The following FGFR2 variants were observed in gnomAD, a reference collection of about 807,000 sequenced individuals.
FGFR2 encodes the protein BEK fibroblast growth factor receptor.
A neutral mutation model predicts 95.9 loss-of-function variants in FGFR2; 19 were observed. The observed-to-expected ratio is 0.20, with a 90% confidence interval of 0.14 to 0.29. The LOEUF is 0.29. Ranked by LOEUF, FGFR2 falls within the 10% of genes least tolerant of loss-of-function variation. The probability of loss-of-function intolerance (pLI) is 1.00; values close to 1 mark genes in which losing one functional copy is unlikely to be tolerated. For synonymous variants in FGFR2, 392 were observed against 393.3 expected (o/e 1.00, Z 0.04); for missense variants, 707 against 1,056.9 (o/e 0.67, Z 4.59).
At chr10:121,505,849 G>A (rs952212656) in intron 9 of FGFR2, among the ~76,000 whole-genome samples, 1 of 152,168 alleles carries the variant, frequency 6.6e-6, no homozygotes, top group Non-Finnish European at 1.5e-5. Flanking sequence ...TTCAGGAGCG[G>A]GTTTAACGGC....
intron 9 of FGFR2, among the ~76,000 whole-genome samples, chr10:121,506,125 A>G (rs550656343): frequency 6.6e-6 from 1 of 152,112 alleles, no homozygotes; most frequent in Non-Finnish European, 1.5e-5. Flanking sequence ...GGGAGGAGGA[A>G]GTGGGCAGAT....
chr10:121,486,672 C>T (rs1302014437), intron 15 of FGFR2, among the ~76,000 whole-genome samples: 2 of 152,212 alleles, frequency 1.3e-5, no homozygotes, highest in African/African-American at 4.8e-5. Context: ...GATCTCCTGA[C>T]CTCGTGATCC....
chr10:121,594,899 G>C (rs1046994544), intron 1 of FGFR2, among the ~76,000 whole-genome samples: 1 of 152,214 alleles, frequency 6.6e-6, no homozygotes, highest in Non-Finnish European at 1.5e-5. Context: ...AATTTTCAGA[G>C]TATAAGTTAG....
At chr10:121,576,353 G>C (rs1305082600) in intron 2 of FGFR2, among the ~76,000 whole-genome samples, 7 of 152,168 alleles carry the variant, frequency 4.6e-5, no homozygotes, top group Non-Finnish European at 1.5e-5. Flanking sequence ...CTGTGTGCCT[G>C]GCTGCCTGGC....
rs1471652000 is a variant in FGFR2 at position 121,518,996 on chromosome 10, C to A, written c.939+983G>T. On this transcript the variant is annotated intron_variant, in intron 7 of 17. Coordinates refer to ENST00000358487, the MANE Select transcript of FGFR2 (RefSeq NM_000141.5). The surrounding 1 kb of genome is among the most constrained non-coding windows in gnomAD (Gnocchi z 4.0). Reference sequence around the variant, plus strand: ...ACAAAATCAGTCCAGTGGTGGACAACGGAAAGACCTGGTGGAGAGAAGGGC... The same window carrying A: ...ACAAAATCAGTCCAGTGGTGGACAAAGGAAAGACCTGGTGGAGAGAAGGGC... 6.6e-6 allele frequency among the ~76,000 whole-genome samples: 1 copy of A among 152,120 alleles called. No individual in the cohort carries two copies. Among genetic ancestry groups the A allele is most frequent in the East Asian group, 1.9e-4 (1 of 5,190 alleles).
At chr10:121,579,115 C>T (rs916488880) in intron 2 of FGFR2, among the ~76,000 whole-genome samples, 2 of 152,190 alleles carry the variant, frequency 1.3e-5, no homozygotes, top group African/African-American at 4.8e-5. Flanking sequence ...CACCGCTGAG[C>T]CTCAGAGTCA....
Position 121,588,823 on chromosome 10 carries a change from C to T in FGFR2, c.109+4886G>A, listed in dbSNP as rs550676885. On this transcript the variant is annotated intron_variant, in intron 2 of 17. Transcript: ENST00000358487. The stretch of plus-strand genomic sequence containing the variant: ...GGAGGACCCCTTCAGCCCAGGAGTC[C>T]GAGGGTACAGTGAGCCACGTTTGAC... 9.9e-5 allele frequency among the ~76,000 whole-genome samples: 15 copies of T among 152,016 alleles called. 1 individual carries two copies. In the South Asian group the frequency reaches 3.1e-3, roughly 32 times the overall value.
intron 6 of FGFR2, chr10:121,526,116 G>A (rs1564929979): frequency 2.3e-5 from 9 of 398,440 alleles, no homozygotes; most frequent in Non-Finnish European, 4.0e-5. Context: ...GGATAACCTC[G>A]CTTGCTCTGT....
chr10:121,496,185 G>GA (rs376135530), intron 13 of FGFR2, among the ~76,000 whole-genome samples: 95 of 129,102 alleles, frequency 7.4e-4, no homozygotes, highest in Middle Eastern at 3.9e-3. Context: ...TGAAGCTTAA[G>GA]AAAAAAAAAA....
chr10:121,543,789 G>C (rs1194851884), intron 5 of FGFR2, among the ~76,000 whole-genome samples: 1 of 152,128 alleles, frequency 6.6e-6, no homozygotes, highest in African/African-American at 2.4e-5. Flanking sequence ...CGGGACCAGT[G>C]GCAGAAACTC....
chr10:121,517,413 C>A lies in FGFR2; in HGVS notation c.990G>T (p.Arg330=), dbSNP rs1388126614. 1.9e-6 allele frequency: 3 copies of A among 1,614,228 alleles called. No individual in the cohort carries two copies. Among genetic ancestry groups the A allele is most frequent in the South Asian group, 2.2e-5 (2 of 91,084 alleles). Residue 330 remains arginine (R), a synonymous_variant, in exon 8 of 18, where the codon CGG becomes CGT. Transcript: ENST00000358487. This position sits in a 1 kb window ranked among gnomAD's most constrained non-coding sequence, Gnocchi z 4.7. ...TDKEIEVLYI[R]NVTFEDAGEY... is the part of the protein sequence containing the mutation. ...CCCCAGCGTCCTCAAAAGTTACATT[C>A]CGAATATAGAGAACCTCAATCTCTT...
chr10:121,551,058 C>T (rs1589954293), intron 5 of FGFR2, among the ~76,000 whole-genome samples: 1 of 151,936 alleles, frequency 6.6e-6, no homozygotes, highest in East Asian at 1.9e-4. Context: ...GTCTCTGCTA[C>T]AGATACAAAA....
intron 8 of FGFR2, among the ~76,000 whole-genome samples, chr10:121,516,030 T>C (rs1849666533): frequency 6.6e-6 from 1 of 152,084 alleles, no homozygotes; most frequent in Admixed American, 6.6e-5. Flanking sequence ...CACTACAGCT[T>C]TTCTCTTAAA....
intron 2 of FGFR2, among the ~76,000 whole-genome samples, chr10:121,586,096 T>C (rs955082734): frequency 2.0e-5 from 3 of 152,230 alleles, no homozygotes; most frequent in East Asian, 1.9e-4. Context: ...TGGATACTTT[T>C]AAAATATTAC....
At position 121,500,939 on chromosome 10, in the gene FGFR2, A is replaced by G. The variant is rs767430380; in HGVS notation, c.1448T>C (p.Leu483Pro). ...GCAACCTTCTCCCAGGGGCTTGCCCAGTGTCAGCCTAAATGTGTAAATAGG... is the reference window on the plus strand; with the variant it reads ...GCAACCTTCTCCCAGGGGCTTGCCCGGTGTCAGCCTAAATGTGTAAATAGG... ...KWEFPRDKLTLGKPLGEGCFG... is the reference protein window; with the variant it reads ...KWEFPRDKLTPGKPLGEGCFG... Residue 483 changes from leucine to proline, a missense_variant, in exon 11 of 18, where the codon CTG becomes CCG. Around this residue, in one of 7 missense-constraint regions of FGFR2, gnomAD observed 194 missense variants for 267.3 expected, o/e 0.73. Coordinates refer to ENST00000358487, the MANE Select transcript of FGFR2 (RefSeq NM_000141.5). 5 of 1,614,118 alleles carry G rather than the reference A, an allele frequency of 3.1e-6. No homozygotes were observed. The highest frequency in any genetic ancestry group is 4.2e-6 in the Non-Finnish European group (5 of 1,180,032).
intron 17 of FGFR2, chr10:121,480,276 G>A (rs2133693696): frequency 1.8e-6 from 1 of 543,906 alleles, no homozygotes. Context: ...ACCCCAGGCT[G>A]TCCTTAGCTT....
chr10:121,597,263 G>A lies in FGFR2; in HGVS notation c.-151+699C>T, dbSNP rs914509867. Among the ~76,000 whole-genome samples, 22 of 152,300 alleles carry A rather than the reference G, an allele frequency of 1.4e-4. 1 individual carries two copies. The highest frequency in any genetic ancestry group is 1.4e-3 in the Admixed American group (22 of 15,306). ...GGCCCCGTGGCCGAAAAAAATGAGC[G>A]CGCAAGTTAGAACTCGCCTGCGCTT... On this transcript the variant is annotated intron_variant, in intron 1 of 17. Transcript: ENST00000358487.
chr10:121,491,977 A>G (rs1301510903), intron 13 of FGFR2, among the ~76,000 whole-genome samples: 1 of 151,944 alleles, frequency 6.6e-6, no homozygotes, highest in African/African-American at 2.4e-5. Context: ...TCAGGAGTTC[A>G]AGACCAGCCT....
chr10:121,588,556 C>T (rs1300362596), intron 2 of FGFR2, among the ~76,000 whole-genome samples: 2 of 152,062 alleles, frequency 1.3e-5, no homozygotes, highest in African/African-American at 4.8e-5. Context: ...GTAGAGCCAT[C>T]TCTAAATCTC....
Sources: gnomAD v4.1 joint callset for allele counts (sites outside exome capture counted in the v4.1 genomes callset) on GRCh38, gnomAD v4.1.1 for gene constraint, gnomAD v4.1.1 regional missense constraint, Gnocchi (gnomAD v3.1) non-coding constraint, MANE v1.5 for transcripts, NCBI Gene and HGNC (gene_info 2026-07-23, HGNC 2026-07-21) for gene names.